The following USP42 variants were observed in gnomAD, a reference collection of about 807,000 sequenced individuals.
USP42 encodes the protein ubiquitin specific peptidase 42.
A neutral mutation model predicts 113.0 loss-of-function variants in USP42; 23 were observed. That is an observed-to-expected ratio of 0.20 (90% confidence interval 0.15 to 0.29). The LOEUF (loss-of-function observed/expected upper bound fraction) is 0.29. Among genes scored for constraint, USP42 ranks in the 10% least tolerant of loss-of-function variants. The pLI, the probability that USP42 is intolerant of heterozygous loss-of-function variation, is 1.00. For synonymous variants in USP42, 933 were observed against 699.0 expected (o/e 1.33, Z -5.28); for missense variants, 2,174 against 1,779.8 (o/e 1.22, Z -3.99).
At chr7:6,108,234 G>T (rs1434288472) in intron 1 of USP42, among the ~76,000 whole-genome samples, 5 of 152,054 alleles carry the variant, frequency 3.3e-5, no homozygotes, top group African/African-American at 1.2e-4. Context: ...TAACAAAATT[G>T]ATGCTTTTAA....
rs541063569 is a variant in USP42, at chr7:6,117,404, C to G, written c.442+1881C>G. ...CTTGATCGTATTGTTGAGTAGGATT[C>G]CATTTTATGGCTAGATCACAATTTG... is the stretch of plus-strand genomic sequence containing the variant. On this transcript the variant is annotated intron_variant, in intron 3 of 17. Transcript: ENST00000306177. Among the ~76,000 whole-genome samples the G allele has an allele frequency of 2.0e-4, 31 of 152,266 alleles. No homozygotes were observed. The South Asian group carries it at 5.8e-3, about 28-fold the overall frequency.
At chr7:6,112,481 G>GT (rs1023914473) in intron 2 of USP42, among the ~76,000 whole-genome samples, 3 of 151,978 alleles carry the variant, frequency 2.0e-5, no homozygotes, top group African/African-American at 7.2e-5. Context: ...AAGAGAGCAT[G>GT]TAACACAAAT....
the USP42 span, among the ~76,000 whole-genome samples, chr7:6,091,710 C>G: frequency 6.7e-6 from 1 of 150,314 alleles, no homozygotes; most frequent in African/African-American, 2.5e-5. Context: ...CACACACACA[C>G]ACACATATAT....
intron 3 of USP42, chr7:6,117,001 CCTCTCTTTCTCT>C (rs1259598169): frequency 5.0e-6 from 2 of 403,122 alleles, no homozygotes. Flanking sequence ...TCCCTTCCTC[CCTCTCTTTCTCT>C]CTCTCTTTTC....
At chr7:6,087,034 C>CT in the USP42 span, among the ~76,000 whole-genome samples, 114 of 133,490 alleles carry the variant, frequency 8.5e-4, 5 homozygotes, top group African/African-American at 2.0e-3. Flanking sequence ...AGCCACCACA[C>CT]TTTTTTTTTT....
chr7:6,154,835 A>G lies in USP42; in HGVS notation c.3281A>G (p.Lys1094Arg), dbSNP rs1782335888. ...GCCGGGCTGCACGAGCGGCCGCACA[A>G]GGACCACAACCGGGGCCGTAGGGGC... ...ERAGLHERPH[K>R]DHNRGRRGCE... The change falls in exon 15 of 18, where the codon AAG (lysine) becomes AGG (arginine). Residue 1094 changes from lysine (K) to arginine (R), a missense_variant. Physicochemically the swap from Lys to Arg is conservative, Grantham distance 26. Coordinates refer to ENST00000306177, the MANE Select transcript of USP42 (RefSeq NM_032172.3). 4 of 1,540,036 alleles carry G rather than the reference A, an allele frequency of 2.6e-6. No homozygotes were observed. The highest frequency in any genetic ancestry group is 2.0e-5 in the Admixed American group (1 of 50,446).
At position 6,157,130 on chromosome 7, in the gene USP42, T is replaced by G; in HGVS notation, c.3943+75T>G. Reference sequence around the variant, plus strand: ...ATTTTCTTTGCAAAGGTGATTAACATGTAGAAAGAAAACCTCAGGTGGCAT... The same window carrying G: ...ATTTTCTTTGCAAAGGTGATTAACAGGTAGAAAGAAAACCTCAGGTGGCAT... On this transcript the variant is annotated intron_variant, in intron 16 of 17. Transcript: ENST00000306177. The surrounding 1 kb of genome is among the most constrained non-coding windows in gnomAD (Gnocchi z 4.1). 6.9e-7 allele frequency: 1 copy of G among 1,455,722 alleles called. No individual in the cohort carries two copies. Among genetic ancestry groups the G allele is most frequent in the East Asian group, 2.4e-5 (1 of 40,848 alleles). 90.2% of individuals were successfully genotyped at this position (1,455,722 alleles called of 1,614,324 possible). A position where few individuals can be genotyped will look rare whatever the true frequency, so the allele number is the denominator to read the frequency against.
At chr7:6,146,370 C>A (rs907957537) in intron 11 of USP42, 122 bp downstream of exon 11, 1 of 685,822 alleles carries the variant, frequency 1.5e-6, no homozygotes. Context: ...GCTTAAAGAT[C>A]AACTCTAGCC....
chr7:6,098,103 C>T, the USP42 span, among the ~76,000 whole-genome samples: 2 of 148,270 alleles, frequency 1.3e-5, no homozygotes, highest in South Asian at 4.2e-4. Flanking sequence ...ACGGGTTTCA[C>T]CATGTTGGCC....
chr7:6,138,978 G>A, intron 4 of USP42, 114 bp from the exon 5 acceptor site: 2 of 644,874 alleles, frequency 3.1e-6, no homozygotes, highest in East Asian at 3.0e-5. Context: ...TCCTCATAAA[G>A]TAAGTATTTG....
the USP42 span, among the ~76,000 whole-genome samples, chr7:6,086,611 A>G: frequency 6.4e-4 from 95 of 149,300 alleles, 2 homozygotes; most frequent in Non-Finnish European, 1.2e-3. Context: ...CAACCTCCCA[A>G]AGTTCTGGGA....
chr7:6,103,334 C>T (rs909800011), upstream of USP42, among the ~76,000 whole-genome samples: 1 of 150,538 alleles, frequency 6.6e-6, no homozygotes, highest in Non-Finnish European at 1.5e-5. Context: ...GTCAGGAGTT[C>T]GAGACCAGCC....
In USP42 at chr7:6,119,857, C is replaced by T. The variant is rs563349165; in HGVS notation, c.442+4334C>T. Among the ~76,000 whole-genome samples the T allele has an allele frequency of 1.8e-4, 27 of 152,288 alleles. No individual in the cohort carries two copies. In the South Asian group the frequency reaches 5.4e-3, roughly 30 times the overall value. On this transcript the variant is annotated intron_variant, in intron 3 of 17. Coordinates refer to ENST00000306177, the MANE Select transcript of USP42 (RefSeq NM_032172.3). ...TAGCCAGGACTACAGGCATGTGCTA[C>T]AACACCTAGCTAATTTTTTGTTTTT... is the stretch of plus-strand genomic sequence containing the variant.
chr7:6,105,763 G>A (rs1431360226), intron 1 of USP42, among the ~76,000 whole-genome samples: 1 of 152,200 alleles, frequency 6.6e-6, no homozygotes. Context: ...TGGAACGGGG[G>A]ATCCGTTGCA....
At chr7:6,135,800 T>C (rs1781109934) in intron 3 of USP42, 41 bp from the exon 4 acceptor site, 1 of 1,319,170 alleles carries the variant, frequency 7.6e-7, no homozygotes, top group East Asian at 2.4e-5. Flanking sequence ...GTGTATATGG[T>C]TGTATTTTGC....
At chr7:6,108,908 C>A (rs1779440989) in intron 1 of USP42, among the ~76,000 whole-genome samples, 1 of 152,178 alleles carries the variant, frequency 6.6e-6, no homozygotes, top group Non-Finnish European at 1.5e-5. Context: ...TTTTCTGTTC[C>A]CAGACTTTGT....
intron 3 of USP42, among the ~76,000 whole-genome samples, chr7:6,132,394 G>A (rs889761463): frequency 3.3e-5 from 5 of 151,254 alleles, no homozygotes; most frequent in African/African-American, 1.2e-4. Flanking sequence ...GTTTCACTCC[G>A]TGGCCCAGGC....
At chr7:6,094,031 C>T in the USP42 span, among the ~76,000 whole-genome samples, 40 of 150,896 alleles carry the variant, frequency 2.7e-4, no homozygotes, top group Non-Finnish European at 5.6e-4. Flanking sequence ...CTGGTGCGTG[C>T]CACCACACCC....
At chr7:6,107,871 A>G (rs946143184) in intron 1 of USP42, among the ~76,000 whole-genome samples, 2 of 152,146 alleles carry the variant, frequency 1.3e-5, no homozygotes, top group Admixed American at 6.6e-5. Context: ...TAAATTTTCA[A>G]TTCAGTTTTC....
Sources: allele counts gnomAD v4.1 joint callset (sites outside exome capture counted in the v4.1 genomes callset), GRCh38; gene constraint gnomAD v4.1.1; non-coding constraint Gnocchi (gnomAD v3.1); transcripts MANE v1.5; gene names NCBI Gene and HGNC (gene_info 2026-07-23, HGNC 2026-07-21).